Variants in RAP1GAP2 observed in about 807,000 individuals in gnomAD.
RAP1GAP2 encodes the protein rap1 GTPase-activating protein 2.
Under a neutral mutation model 95.0 loss-of-function variants are expected in RAP1GAP2, and 27 were observed. That is an observed-to-expected ratio of 0.28 (90% confidence interval 0.21 to 0.39). RAP1GAP2 has a LOEUF of 0.39. RAP1GAP2 is among the 10% of genes least tolerant of loss of function. RAP1GAP2 has a pLI of 1.00. For missense variants in RAP1GAP2, 771 were observed against 970.0 expected, an observed-to-expected ratio of 0.79 and a Z score of 2.72; for synonymous variants, 373 against 380.9, an observed-to-expected ratio of 0.98 and a Z score of 0.24.
At chr17:3,010,151 C>T (rs2046471272) in intron 17 of RAP1GAP2, among the ~76,000 whole-genome samples, 1 of 151,948 alleles carries the variant, frequency 6.6e-6, no homozygotes, top group African/African-American at 2.4e-5. Flanking sequence ...ACCATCCTGG[C>T]CAACATGGTG....
chr17:2,954,534 G>A (rs756098895), intron 3 of RAP1GAP2, among the ~76,000 whole-genome samples: 1 of 152,046 alleles, frequency 6.6e-6, no homozygotes, highest in African/African-American at 2.4e-5. Context: ...CCTGTAGTGA[G>A]GGAATTTGTC....
At chr17:2,931,121 C>CAAA (rs67067799) in intron 3 of RAP1GAP2, among the ~76,000 whole-genome samples, 52 of 67,054 alleles carry the variant, frequency 7.8e-4, no homozygotes, top group East Asian at 1.2e-3. Flanking sequence ...GACTCCATCT[C>CAAA]AAAAAAAAAA....
chr17:2,975,226 G>A (rs576827519), intron 8 of RAP1GAP2, among the ~76,000 whole-genome samples: 16 of 148,864 alleles, frequency 1.1e-4, no homozygotes, highest in Admixed American at 2.7e-4. Flanking sequence ...GCAAGACTGC[G>A]TCTCAAAAAA....
intron 2 of RAP1GAP2, among the ~76,000 whole-genome samples, chr17:2,889,467 G>C (rs2073612742): frequency 6.6e-6 from 1 of 152,142 alleles, no homozygotes; most frequent in African/African-American, 2.4e-5. Context: ...GTGAGTTTCT[G>C]CTCATCACGT....
chr17:2,921,601 G>A (rs1420657680), intron 3 of RAP1GAP2, among the ~76,000 whole-genome samples: 2 of 151,768 alleles, frequency 1.3e-5, no homozygotes, highest in Non-Finnish European at 2.9e-5. Context: ...GTGTCTGCAG[G>A]GTCGTTAAGG....
At chr17:2,980,226 A>T (rs926303906) in intron 8 of RAP1GAP2, 61 bp from the exon 9 acceptor site, 5 of 1,535,064 alleles carry the variant, frequency 3.3e-6, no homozygotes, top group Non-Finnish European at 4.5e-6. Flanking sequence ...GACAGGCACG[A>T]GTCCCCGCGC....
intron 1 of RAP1GAP2, among the ~76,000 whole-genome samples, chr17:2,768,018 C>T (rs2068310293): frequency 6.6e-6 from 1 of 152,156 alleles, no homozygotes; most frequent in South Asian, 2.1e-4. Flanking sequence ...AGGCGTGAGC[C>T]ACCGTACGTG....
chr17:2,851,801 G>A (rs1162084021), intron 2 of RAP1GAP2, among the ~76,000 whole-genome samples: 1 of 152,040 alleles, frequency 6.6e-6, no homozygotes, highest in Non-Finnish European at 1.5e-5. Context: ...AGAACTCCTG[G>A]TCTCAACTCA....
intron 3 of RAP1GAP2, among the ~76,000 whole-genome samples, chr17:2,951,489 C>A (rs150294459): frequency 1.4e-4 from 22 of 152,150 alleles, no homozygotes; most frequent in African/African-American, 5.3e-4. Context: ...GAGGCTGAGG[C>A]GGGAGGATCG....
intron 2 of RAP1GAP2, among the ~76,000 whole-genome samples, chr17:2,847,964 A>G (rs2071660601): frequency 6.6e-6 from 1 of 152,246 alleles, no homozygotes; most frequent in South Asian, 2.1e-4. Flanking sequence ...CAAAAATTCA[A>G]AAATCCATAA....
Position 2,856,777 on chromosome 17 carries a change from G to A in RAP1GAP2, c.81-48507G>A, listed in dbSNP as rs890432479. Among the ~76,000 whole-genome samples, 14 of 152,184 alleles carry A rather than the reference G, an allele frequency of 9.2e-5. 1 individual carries two copies. The highest frequency in any genetic ancestry group is 3.4e-4 in the African/African-American group (14 of 41,438). On this transcript the variant is annotated intron_variant, in intron 2 of 24. Transcript: ENST00000254695. ...GTGCTCTTAAGAGCCTGCAATGCAG[G>A]CAGACATTGGTGGCCTTCCTAGCCC...
In RAP1GAP2 at chr17:2,963,719, C is replaced by A; in HGVS notation, c.280-137C>A. ...TGTTGTGGGGCTTGGAGGAGGGGTTCATGTCACTGCCTTTGGCCTCAAGTA... is the reference window on the plus strand; with the variant it reads ...TGTTGTGGGGCTTGGAGGAGGGGTTAATGTCACTGCCTTTGGCCTCAAGTA... On this transcript the variant is annotated intron_variant, in intron 6 of 24. Coordinates refer to ENST00000254695, the MANE Select transcript of RAP1GAP2 (RefSeq NM_015085.5). The surrounding 1 kb of genome is among the most constrained non-coding windows in gnomAD (Gnocchi z 4.8). 1.2e-6 allele frequency: 1 copy of A among 852,270 alleles called. No individual in the cohort carries two copies. The highest frequency in any genetic ancestry group is 1.8e-6 in the Non-Finnish European group (1 of 556,686). The allele number at this position is 852,270 out of a possible 1,614,324, so 52.8% of individuals were successfully genotyped here. A position where few individuals can be genotyped will look rare whatever the true frequency, so the allele number is the denominator to read the frequency against.
At chr17:2,988,857 T>C (rs914811165) in intron 11 of RAP1GAP2, among the ~76,000 whole-genome samples, 2 of 152,080 alleles carry the variant, frequency 1.3e-5, no homozygotes, top group Non-Finnish European at 2.9e-5. Flanking sequence ...GTCAGGAGAT[T>C]GAGACCATCC....
intron 1 of RAP1GAP2, among the ~76,000 whole-genome samples, chr17:2,757,114 T>A (rs7210351): frequency 0.21 from 31,976 of 151,822 alleles, 3,635 homozygotes; most frequent in East Asian, 0.38. Flanking sequence ...AGAATTAATC[T>A]CCTTTATTTA....
At chr17:2,828,197 A>G (rs535404772) in intron 2 of RAP1GAP2, among the ~76,000 whole-genome samples, 46 of 151,882 alleles carry the variant, frequency 3.0e-4, no homozygotes, top group Non-Finnish European at 5.7e-4. Flanking sequence ...AAAAATTAGC[A>G]GGGTGTGGTG....
At chr17:2,914,241 C>T (rs2042491570) in intron 3 of RAP1GAP2, among the ~76,000 whole-genome samples, 2 of 152,176 alleles carry the variant, frequency 1.3e-5, no homozygotes, top group South Asian at 4.1e-4. Context: ...TCCTCACCAG[C>T]AGTGTCATTT....
chr17:2,918,703 A>G (rs73294629), intron 3 of RAP1GAP2, among the ~76,000 whole-genome samples: 3,845 of 152,146 alleles, frequency 0.025, 163 homozygotes, highest in African/African-American at 0.087. Context: ...GTGGTAAAGC[A>G]TTCATGAGAA....
intron 10 of RAP1GAP2, among the ~76,000 whole-genome samples, chr17:2,983,487 G>A (rs142506244): frequency 6.6e-6 from 1 of 152,200 alleles, no homozygotes; most frequent in Admixed American, 6.5e-5. Context: ...TCTTTGTTTA[G>A]TAATTTAATG....
At chr17:2,873,305 C>CAAAAAAAAAAA (rs377575894) in intron 2 of RAP1GAP2, among the ~76,000 whole-genome samples, 3 of 95,558 alleles carry the variant, frequency 3.1e-5, no homozygotes, top group African/African-American at 1.2e-4. Flanking sequence ...ACCAAAAATA[C>CAAAAAAAAAAA]AAAAAAAAAA....
Sources: allele counts gnomAD v4.1 joint callset (sites outside exome capture counted in the v4.1 genomes callset), GRCh38; gene constraint gnomAD v4.1.1; non-coding constraint Gnocchi (gnomAD v3.1); transcripts MANE v1.5; gene names NCBI Gene and HGNC (gene_info 2026-07-23, HGNC 2026-07-21).